Variants in NRG1 observed in about 807,000 individuals in gnomAD.
The protein encoded by NRG1 is pro-neuregulin-1, membrane-bound isoform.
Under a neutral mutation model 63.8 loss-of-function variants are expected in NRG1, and 18 were observed. That is an observed-to-expected ratio of 0.28 (90% CI 0.19 to 0.42). The LOEUF (loss-of-function observed/expected upper bound fraction) is 0.42. Ranked by LOEUF, NRG1 falls within the 10% of genes least tolerant of loss-of-function variation. The probability of loss-of-function intolerance (pLI) is 1.00; values close to 1 mark genes in which losing one functional copy is unlikely to be tolerated. For missense variants in NRG1, 762 were observed against 814.7 expected (o/e 0.94, Z 0.79); for synonymous variants, 302 against 301.3 (o/e 1.00, Z -0.02).
intron 1 of NRG1, among the ~76,000 whole-genome samples, chr8:31,859,951 T>A (rs1480006452): frequency 6.6e-6 from 1 of 152,148 alleles, no homozygotes; most frequent in South Asian, 2.1e-4. Flanking sequence ...CCCAGCTCAG[T>A]GCTTAGAAAC....
chr8:31,916,111 T>C (rs1336720923), intron 1 of NRG1, among the ~76,000 whole-genome samples: 17 of 152,248 alleles, frequency 1.1e-4, no homozygotes, highest in African/African-American at 3.4e-4. Context: ...GTCCAGGAGA[T>C]AGATTATACT....
At position 32,724,449 on chromosome 8, in the gene NRG1, G is replaced by A. The variant is rs544691163; in HGVS notation, c.503-3500G>A. ...TGTTTGCTCTGATTGGCATAGGACC[G>A]GCTTTGTCGGTTTCATTACATCCTG... On this transcript the variant is annotated intron_variant, in intron 5 of 11. Transcript: ENST00000356819. 1.3e-3 allele frequency among the ~76,000 whole-genome samples: 193 copies of A among 152,220 alleles called. 2 individuals are homozygous for A. The highest frequency in any genetic ancestry group is 4.5e-3 in the African/African-American group (189 of 41,548).
intron 1 of NRG1, among the ~76,000 whole-genome samples, chr8:31,676,315 G>A (rs895010507): frequency 1.3e-5 from 2 of 152,124 alleles, no homozygotes; most frequent in East Asian, 3.9e-4. Flanking sequence ...GGTCCCCAAA[G>A]ACCCAACAAT....
At chr8:32,295,777 G>A (rs111313656) in intron 1 of NRG1, among the ~76,000 whole-genome samples, 3,187 of 151,906 alleles carry the variant, frequency 0.021, 44 homozygotes, top group Middle Eastern at 0.054. Flanking sequence ...GTAGAACCTC[G>A]TCTTTACTAA....
chr8:31,918,310 C>T (rs1355668839), intron 1 of NRG1, among the ~76,000 whole-genome samples: 2 of 152,252 alleles, frequency 1.3e-5, no homozygotes, highest in East Asian at 1.9e-4. Context: ...CCAGTTTTTG[C>T]CCATTCAGTA....
At chr8:32,732,972 T>C in intron 6 of NRG1, among the ~76,000 whole-genome samples, 1 of 151,974 alleles carries the variant, frequency 6.6e-6, no homozygotes, top group East Asian at 1.9e-4. Context: ...CATGCCCAGC[T>C]GATTTTTTGT....
At chr8:31,877,889 G>T (rs80036852) in intron 1 of NRG1, among the ~76,000 whole-genome samples, 2,266 of 152,262 alleles carry the variant, frequency 0.015, 64 homozygotes, top group African/African-American at 0.052. Context: ...TTTGATGTAG[G>T]TTAGAGACTG....
chr8:31,749,893 A>C lies in NRG1; in HGVS notation c.37+110462A>C, dbSNP rs930682061. Among the ~76,000 whole-genome samples, 5 of 151,842 alleles carry C rather than the reference A, an allele frequency of 3.3e-5. No individual in the cohort carries two copies. In the East Asian group the frequency reaches 9.7e-4, roughly 29 times the overall value. On this transcript the variant is annotated intron_variant, in intron 1 of 10. Transcript: ENST00000519301. ...TTTATTTTTTTTATTTTTGGAAGCC[A>C]AGCCAGCAGTTGTTTAAAATTCATG...
At chr8:31,743,093 T>C (rs1206483573) in intron 1 of NRG1, among the ~76,000 whole-genome samples, 1 of 151,980 alleles carries the variant, frequency 6.6e-6, no homozygotes, top group Non-Finnish European at 1.5e-5. Flanking sequence ...CAAATAACAA[T>C]ATCTCCAGGC....
chr8:32,137,167 C>T (rs1835642514), intron 1 of NRG1, among the ~76,000 whole-genome samples: 1 of 152,060 alleles, frequency 6.6e-6, no homozygotes, highest in Non-Finnish European at 1.5e-5. Flanking sequence ...ACATTATGGC[C>T]TGGCATGGTG....
intron 1 of NRG1, among the ~76,000 whole-genome samples, chr8:32,504,365 ATTATC>A (rs1456084876): frequency 6.6e-6 from 1 of 152,176 alleles, no homozygotes; most frequent in African/African-American, 2.4e-5. Flanking sequence ...TTTACCAAAG[ATTATC>A]TTATATCAGA....
intron 1 of NRG1, among the ~76,000 whole-genome samples, chr8:32,238,764 T>C (rs918506911): frequency 6.6e-6 from 1 of 152,200 alleles, no homozygotes. Context: ...TTAATTAGTT[T>C]GTAATTTTAA....
intron 1 of NRG1, among the ~76,000 whole-genome samples, chr8:31,741,861 C>T (rs1815310990): frequency 6.6e-6 from 1 of 151,916 alleles, no homozygotes; most frequent in Admixed American, 6.6e-5. Context: ...AACTTCTGTA[C>T]ATGTTTACCA....
At position 32,121,398 on chromosome 8, in the gene NRG1, C is replaced by CGTGT. The variant is rs140452698; in HGVS notation, c.38-474407_38-474404dup. Among the ~76,000 whole-genome samples, 34 of 148,892 alleles carry CGTGT rather than the reference C, an allele frequency of 2.3e-4. No individual in the cohort carries two copies. In the East Asian group the frequency reaches 3.8e-3, roughly 17 times the overall value. ...TAGGCTGATCATTTACCTGGGAAAT[C>CGTGT]GTGTGTGTGTGTGTGTGTGTGTGTG... On this transcript the variant is annotated intron_variant, in intron 1 of 10. Transcript: ENST00000519301.
At chr8:31,901,165 G>A (rs1225188629) in intron 1 of NRG1, among the ~76,000 whole-genome samples, 1 of 152,054 alleles carries the variant, frequency 6.6e-6, no homozygotes, top group Admixed American at 6.6e-5. Flanking sequence ...TCGAATTTTG[G>A]GGTTTGTAAA....
At chr8:32,730,167 A>G (rs558590007) in intron 6 of NRG1, among the ~76,000 whole-genome samples, 18 of 152,196 alleles carry the variant, frequency 1.2e-4, no homozygotes, top group Non-Finnish European at 2.6e-4. Flanking sequence ...ATGAAATACG[A>G]GTATGAGGCC....
At chr8:32,497,400 C>A (rs1402316520) in intron 1 of NRG1, among the ~76,000 whole-genome samples, 2 of 144,578 alleles carry the variant, frequency 1.4e-5, no homozygotes, top group Non-Finnish European at 3.0e-5. Flanking sequence ...TGAGCCAAGA[C>A]TGTGTCATTG....
At chr8:31,740,676 T>G (rs1033379736) in intron 1 of NRG1, among the ~76,000 whole-genome samples, 8 of 145,348 alleles carry the variant, frequency 5.5e-5, no homozygotes, top group Non-Finnish European at 9.3e-5. Context: ...AGTGCATGTG[T>G]GTGTGTGTGA....
chr8:32,725,061 A>G (rs951652455), intron 5 of NRG1, among the ~76,000 whole-genome samples: 1 of 152,202 alleles, frequency 6.6e-6, no homozygotes, highest in African/African-American at 2.4e-5. Context: ...ATCAGAGTCT[A>G]AGGAAGAGAT....
Sources: allele counts gnomAD v4.1 joint callset (sites outside exome capture counted in the v4.1 genomes callset), GRCh38; gene constraint gnomAD v4.1.1; transcripts MANE v1.5; gene names NCBI Gene and HGNC (gene_info 2026-07-23, HGNC 2026-07-21).